CCDC149: variants seen among roughly 807,000 people sequenced by gnomAD.
CCDC149 encodes the protein coiled-coil domain-containing protein 149.
Under a neutral mutation model 59.9 loss-of-function variants are expected in CCDC149, and 45 were observed. The observed-to-expected ratio is 0.75, with a 90% confidence interval of 0.59 to 0.96. CCDC149 has a LOEUF of 0.96. Among genes scored for constraint, CCDC149 ranks in the 40% least tolerant of loss-of-function variants. The pLI is 0.00. For missense variants in CCDC149, 584 were observed against 664.7 expected, an observed-to-expected ratio of 0.88 and a Z score of 1.33; for synonymous variants, 245 against 260.6, an observed-to-expected ratio of 0.94 and a Z score of 0.58.
At chr4:24,855,507 G>A (rs891897008) in intron 3 of CCDC149, among the ~76,000 whole-genome samples, 2 of 150,484 alleles carry the variant, frequency 1.3e-5, no homozygotes, top group African/African-American at 4.9e-5. Context: ...TGGAGATGGT[G>A]GAGGTTTCAG....
rs1716641171 is a variant in CCDC149, at chr4:24,837,863, G to A, written c.489+293C>T. Among the ~76,000 whole-genome samples, 1 of 152,234 alleles carries A rather than the reference G, an allele frequency of 6.6e-6. No individual in the cohort carries two copies. The highest frequency in any genetic ancestry group is 6.5e-5 in the Admixed American group (1 of 15,288). Reference sequence around the variant, plus strand: ...CAGCATTTTAGCAGAAACTTGCAAAGTAAGGCCAGTTTGTCACGTGTTGTT... The same window carrying A: ...CAGCATTTTAGCAGAAACTTGCAAAATAAGGCCAGTTTGTCACGTGTTGTT... On this transcript the variant is annotated intron_variant, in intron 5 of 12. Transcript: ENST00000635206. The surrounding 1 kb of genome is among the most constrained non-coding windows in gnomAD (Gnocchi z 4.3).
In CCDC149 at chr4:24,837,415, A is replaced by G; in HGVS notation, c.490-15T>C. On this transcript the variant is annotated splice_polypyrimidine_tract_variant and intron_variant, in intron 5 of 12. Coordinates refer to ENST00000635206, the MANE Select transcript of CCDC149 (RefSeq NM_001330643.2). This position sits in a 1 kb window ranked among gnomAD's most constrained non-coding sequence, Gnocchi z 4.3. ...AGAGACTCAATCTAAAACCACAGGG[A>G]GAGCCCTTACTCAAGATGTTCCTCA... 6.2e-7 allele frequency: 1 copy of G among 1,613,454 alleles called. No individual in the cohort carries two copies. The highest frequency in any genetic ancestry group is 8.5e-7 in the Non-Finnish European group (1 of 1,179,618).
chr4:24,882,809 T>C (rs1285641024), intron 1 of CCDC149, among the ~76,000 whole-genome samples: 3 of 152,194 alleles, frequency 2.0e-5, no homozygotes, highest in Admixed American at 1.3e-4. Context: ...ACTTTAGATA[T>C]GGAATTTTTT....
intron 2 of CCDC149, among the ~76,000 whole-genome samples, chr4:24,874,248 T>G (rs1177239213): frequency 3.4e-5 from 3 of 88,628 alleles, no homozygotes; most frequent in African/African-American, 1.6e-4. Flanking sequence ...AGATTTGTTT[T>G]TTTTTTTTTT....
At chr4:24,976,477 C>T (rs1269092324) in intron 1 of CCDC149, among the ~76,000 whole-genome samples, 1 of 152,174 alleles carries the variant, frequency 6.6e-6, no homozygotes, top group African/African-American at 2.4e-5. Context: ...CTTTGGGAGG[C>T]TGAGGCTGGC....
intron 1 of CCDC149, among the ~76,000 whole-genome samples, chr4:24,907,226 T>G (rs1721589065): frequency 6.6e-6 from 1 of 152,220 alleles, no homozygotes; most frequent in Non-Finnish European, 1.5e-5. Context: ...TTTCATTTGA[T>G]CCTCACAATT....
Position 24,893,613 on chromosome 4 carries a change from C to CTTTTTTTTTTTTT in CCDC149, c.64-16929_64-16917dup, listed in dbSNP as rs3066508. Among the ~76,000 whole-genome samples the CTTTTTTTTTTTTT allele has an allele frequency of 3.0e-3, 199 of 65,872 alleles. 47 individuals carry two copies. The highest frequency in any genetic ancestry group is 5.3e-3 in the African/African-American group (93 of 17,686). 43.2% of individuals were successfully genotyped at this position (65,872 alleles called of 152,430 possible). A position where few individuals can be genotyped will look rare whatever the true frequency, so the allele number is the denominator to read the frequency against. ...CTTCTAGCACAATCTAAAATACAGA[C>CTTTTTTTTTTTTT]TTTTTTTTTTTTTTTTTTTTTGAGA... is the stretch of plus-strand genomic sequence containing the variant. On this transcript the variant is annotated intron_variant, in intron 1 of 12. Coordinates refer to ENST00000635206, the MANE Select transcript of CCDC149 (RefSeq NM_001330643.2).
At chr4:24,886,612 T>C (rs190328913) in intron 1 of CCDC149, among the ~76,000 whole-genome samples, 46 of 151,518 alleles carry the variant, frequency 3.0e-4, no homozygotes, top group African/African-American at 1.1e-3. Flanking sequence ...TCCATGCTAC[T>C]GAGTTTATTT....
intron 1 of CCDC149, among the ~76,000 whole-genome samples, chr4:24,964,571 T>C (rs1723742099): frequency 1.3e-5 from 2 of 152,116 alleles, no homozygotes; most frequent in Non-Finnish European, 2.9e-5. Flanking sequence ...CCTAAAGCAA[T>C]ATTGACCTGT....
At position 24,830,705 on chromosome 4, in the gene CCDC149, G is replaced by A. The variant is rs146087032; in HGVS notation, c.965+801C>T. On this transcript the variant is annotated intron_variant, in intron 9 of 12. Transcript: ENST00000635206. ...AGGTGTACGTCTGTCTTGCAAGCAG[G>A]ACCAGCTACATAAATTGCAGGGTCC... 3.3e-5 allele frequency: 5 copies of A among 152,206 alleles called. No homozygotes were observed. In the East Asian group the frequency reaches 9.7e-4, roughly 29 times the overall value. 9.4% of individuals were successfully genotyped at this position (152,206 alleles called of 1,614,324 possible).
chr4:24,964,192 T>TAAAAAAA (rs377278394), intron 1 of CCDC149, among the ~76,000 whole-genome samples: 1,914 of 118,766 alleles, frequency 0.016, 20 homozygotes, highest in African/African-American at 0.053. Flanking sequence ...AGACCCTATC[T>TAAAAAAA]AAAAAAAAAA....
intron 4 of CCDC149, among the ~76,000 whole-genome samples, chr4:24,850,953 T>A (rs938299477): frequency 5.3e-5 from 8 of 151,614 alleles, no homozygotes; most frequent in African/African-American, 1.9e-4. Flanking sequence ...TGGGGCTTAC[T>A]GCAGTTAGAC....
chr4:24,957,298 A>G (rs891793078), intron 1 of CCDC149, among the ~76,000 whole-genome samples: 2 of 152,224 alleles, frequency 1.3e-5, no homozygotes, highest in South Asian at 2.1e-4. Flanking sequence ...CATCTCCCCA[A>G]ACCAGTAGCA....
At chr4:24,825,193 C>A (rs750287469) in intron 9 of CCDC149, among the ~76,000 whole-genome samples, 22 of 152,340 alleles carry the variant, frequency 1.4e-4, no homozygotes, top group Middle Eastern at 3.4e-3. Flanking sequence ...GAAGGAGACC[C>A]TGTCCCTGCA....
At chr4:24,967,656 T>C (rs1348819182) in intron 1 of CCDC149, among the ~76,000 whole-genome samples, 1 of 150,656 alleles carries the variant, frequency 6.6e-6, no homozygotes, top group Non-Finnish European at 1.5e-5. Context: ...TGTCATGATC[T>C]AGTTGCCACA....
intron 1 of CCDC149, among the ~76,000 whole-genome samples, chr4:24,956,594 G>T (rs996876762): frequency 2.0e-5 from 3 of 152,110 alleles, no homozygotes; most frequent in South Asian, 4.2e-4. Context: ...CCCAGTGAGC[G>T]AGAAGTACTA....
At chr4:24,952,626 AATATATATATATATATATATAT>A (rs199615303) in intron 1 of CCDC149, among the ~76,000 whole-genome samples, 40 of 28,458 alleles carry the variant, frequency 1.4e-3, no homozygotes, top group African/African-American at 4.2e-3. Context: ...AAAAAAAAAA[AATATATATATATATATATATAT>A]ATATATATAT....
At chr4:24,951,982 A>T (rs1223307202) in intron 1 of CCDC149, among the ~76,000 whole-genome samples, 1 of 152,190 alleles carries the variant, frequency 6.6e-6, no homozygotes, top group East Asian at 1.9e-4. Context: ...TTCCTTTCTC[A>T]ATTTTGAAAG....
intron 1 of CCDC149, among the ~76,000 whole-genome samples, chr4:24,960,535 A>T (rs1249562461): frequency 6.6e-6 from 1 of 152,170 alleles, no homozygotes; most frequent in Non-Finnish European, 1.5e-5. Context: ...ATATAGACAC[A>T]AATGTAATAA....
Sources: gnomAD v4.1 joint callset for allele counts (sites outside exome capture counted in the v4.1 genomes callset) on GRCh38, gnomAD v4.1.1 for gene constraint, Gnocchi (gnomAD v3.1) non-coding constraint, MANE v1.5 for transcripts, NCBI Gene and HGNC (gene_info 2026-07-23, HGNC 2026-07-21) for gene names.